CHTF18: variants seen among roughly 807,000 people sequenced by gnomAD.
CHTF18 encodes the protein chromosome transmission fidelity factor 18.
A neutral mutation model predicts 113.4 loss-of-function variants in CHTF18; 151 were observed. The observed-to-expected ratio is 1.33, with a 90% CI of 1.17 to 1.52. The LOEUF (loss-of-function observed/expected upper bound fraction) is 1.52, where lower values mean the gene tolerates loss of function less well. Ranked by LOEUF, CHTF18 falls within the 40% of genes most tolerant of loss-of-function variation. The pLI is 0.00. For missense variants in CHTF18, 1,982 were observed against 1,381.6 expected, an observed-to-expected ratio of 1.43 and a Z score of -6.89; for synonymous variants, 916 against 598.8, an observed-to-expected ratio of 1.53 and a Z score of -7.74.
rs566791987 is a variant in CHTF18 at position 791,610 on chromosome 16, C to T, written c.1104+240C>T. The T allele has an allele frequency of 8.0e-5, 115 of 1,430,002 alleles. No individual in the cohort carries two copies. In the African/African-American group the frequency reaches 1.5e-3, roughly 19 times the overall value. 88.6% of individuals were successfully genotyped at this position (1,430,002 alleles called of 1,614,324 possible). A position where few individuals can be genotyped will look rare whatever the true frequency, so the allele number is the denominator to read the frequency against. On this transcript the variant is annotated intron_variant, in intron 8 of 21. Transcript: ENST00000262315. ...GATCTGGGTGGACGGTGGGTGGTTT[C>T]TGGGGGCCAGTCACACTGGTATCAG...
rs764669653 is a variant in CHTF18, at chr16:795,927, T to G, written c.2326-20T>G. Reference sequence around the variant, plus strand: ...TGTACAGCCTGCTCAGCTCCCTGTCTGCTGCCTCCCATCCCCTAGGTGAGC... The same window carrying G: ...TGTACAGCCTGCTCAGCTCCCTGTCGGCTGCCTCCCATCCCCTAGGTGAGC... On this transcript the variant is annotated intron_variant, in intron 17 of 21. Transcript: ENST00000262315. 2.5e-6 allele frequency: 4 copies of G among 1,603,420 alleles called. No individual in the cohort carries two copies. The Admixed American group carries it at 6.7e-5, about 27-fold the overall frequency.
chr16:795,805 C>G lies in CHTF18; in HGVS notation c.2296C>G (p.Leu766Val). 1 of 1,610,184 alleles carries G rather than the reference C, an allele frequency of 6.2e-7. No individual in the cohort carries two copies. Among genetic ancestry groups the G allele is most frequent in the Middle Eastern group, 1.7e-4 (1 of 6,052 alleles). Residue 766 changes from leucine to valine, a missense_variant, in exon 17 of 22, where the codon CTG becomes GTG. Coordinates refer to ENST00000262315, the MANE Select transcript of CHTF18 (RefSeq NM_022092.3). Reference protein sequence around the residue: ...ALLLDALCLLLDILAPKLRPV... With the variant: ...ALLLDALCLLVDILAPKLRPV... ...GCTCCTCGATGCCCTCTGCCTGCTC[C>G]TGGACATTCTTGCACCCAAGCTCCG...
intron 4 of CHTF18, 192 bp downstream of exon 4, chr16:789,907 CTGTT>C: frequency 7.0e-7 from 1 of 1,437,434 alleles, no homozygotes; most frequent in South Asian, 1.3e-5. Flanking sequence ...GCTGTCCAGC[CTGTT>C]TGTATGGCCT....
Position 795,149 on chromosome 16 carries a change from C to A in CHTF18, c.1968C>A (p.Phe656Leu). ...EKVVQGLFDN[F>L]LRLRLRDSSL... Reference sequence around the variant, plus strand: ...GCCTGCAGGGCTTGTTTGACAACTTCCTGCGTCTGCGGCTGCGAGACTCCA... The same window carrying A: ...GCCTGCAGGGCTTGTTTGACAACTTACTGCGTCTGCGGCTGCGAGACTCCA... Residue 656 changes from phenylalanine (F) to leucine (L), a missense_variant, in exon 16 of 22, where the codon TTC becomes TTA. Coordinates refer to ENST00000262315, the MANE Select transcript of CHTF18 (RefSeq NM_022092.3). 1 of 1,550,768 alleles carries A rather than the reference C, an allele frequency of 6.4e-7. No homozygotes were observed. Among genetic ancestry groups the A allele is most frequent in the Non-Finnish European group, 8.7e-7 (1 of 1,147,414 alleles).
rs774472730 is a variant in CHTF18 at position 794,122 on chromosome 16, C to G, written c.1871C>G (p.Ser624Cys). 2 of 1,612,446 alleles carry G rather than the reference C, an allele frequency of 1.2e-6. No homozygotes were observed. Among genetic ancestry groups the G allele is most frequent in the East Asian group, 4.5e-5 (2 of 44,880 alleles). Residue 624 changes from serine to cysteine, a missense_variant, in exon 15 of 22, where the codon TCC (serine) becomes TGC (cysteine). Transcript: ENST00000262315. ...CTGCTGGGTGACGGGGACGCGGGCT[C>G]CCTCACCTCCGCCTCACAGCGATTC... is the stretch of plus-strand genomic sequence containing the variant. ...TLLLGDGDAGSLTSASQRFYR... is the reference protein window; with the variant it reads ...TLLLGDGDAGCLTSASQRFYR...
At chr16:797,234 C>T (rs993835499) in intron 20 of CHTF18, 142 bp downstream of exon 20, 9 of 983,326 alleles carry the variant, frequency 9.2e-6, no homozygotes, top group South Asian at 2.4e-5. Context: ...CCTCATGAGG[C>T]AGGGCCAGGG....
Position 791,933 on chromosome 16 carries a change from T to C in CHTF18, c.1187T>C (p.Val396Ala). The C allele has an allele frequency of 6.2e-7, 1 of 1,608,832 alleles. No individual in the cohort carries two copies. Among genetic ancestry groups the C allele is most frequent in the Non-Finnish European group, 8.5e-7 (1 of 1,178,292 alleles). ...GCGCGTCACGCGGGGTACTCTGTGG[T>C]GGAGATGAACGCCAGGTGAGTGATG... ...VIARHAGYSVVEMNASDDRSP... is the reference protein window; with the variant it reads ...VIARHAGYSVAEMNASDDRSP... Residue 396 changes from valine to alanine, a missense_variant, in exon 9 of 22, where the codon GTG (valine) becomes GCG (alanine). Coordinates refer to ENST00000262315, the MANE Select transcript of CHTF18 (RefSeq NM_022092.3).
intron 14 of CHTF18, 30 bp from the exon 15 acceptor site, chr16:794,024 G>T: frequency 6.3e-7 from 1 of 1,599,616 alleles, no homozygotes; most frequent in Non-Finnish European, 8.5e-7. Context: ...TTTAACACGG[G>T]TCCATCTAGC....
At chr16:791,075 G>T in intron 7 of CHTF18, 86 bp from the exon 8 acceptor site, 1 of 1,521,858 alleles carries the variant, frequency 6.6e-7, no homozygotes, top group Non-Finnish European at 8.8e-7. Context: ...CATCCCATGG[G>T]GCATGGGGCT....
At chr16:791,714 T>G (rs1013602122) in intron 8 of CHTF18, 137 bp from the exon 9 acceptor site, 7 of 1,440,948 alleles carry the variant, frequency 4.9e-6, no homozygotes, top group Non-Finnish European at 6.3e-6. Flanking sequence ...AGTGCTCAAT[T>G]TTGTTCTTAT....
At chr16:797,649 T>TGG in intron 20 of CHTF18, 45 bp from the exon 21 acceptor site, 2 of 1,596,060 alleles carry the variant, frequency 1.3e-6, no homozygotes, top group Non-Finnish European at 1.7e-6. Context: ...AGGGGCTGGA[T>TGG]GGGGCATCTG....
In CHTF18 at chr16:795,339, C is replaced by T. The variant is rs769490608; in HGVS notation, c.2158C>T (p.Pro720Ser). 43 of 1,547,762 alleles carry T rather than the reference C, an allele frequency of 2.8e-5. No individual in the cohort carries two copies. In the Admixed American group the frequency reaches 5.7e-4, roughly 20 times the overall value. ...CAGCCACACACCCAGGATCACCTTC[C>T]CCAGCAGCCAGCAGGAGGTGTGCTC... Reference protein sequence around the residue: ...ASSHTPRITFPSSQQEAQNRM... With the variant: ...ASSHTPRITFSSSQQEAQNRM... Residue 720 changes from proline to serine, a missense_variant, in exon 16 of 22, where the codon CCC becomes TCC. Transcript: ENST00000262315.
At position 792,332 on chromosome 16, in the gene CHTF18, C is replaced by T. The variant is rs1179029000; in HGVS notation, c.1311C>T (p.Ile437=). The change falls in exon 10 of 22, where the codon ATC becomes ATT. Residue 437 remains isoleucine, a synonymous_variant. Transcript: ENST00000262315. ...GKPNCLVIDE[I]DGAPVAAINV... is the part of the protein sequence containing the mutation. ...CCAACTGCCTGGTCATCGATGAGAT[C>T]GACGGGGCCCCCGTGGTGGGCTCCT... The T allele has an allele frequency of 2.8e-5, 44 of 1,553,182 alleles. No individual in the cohort carries two copies. The highest frequency in any genetic ancestry group is 3.5e-5 in the Non-Finnish European group (40 of 1,148,746).
Position 791,252 on chromosome 16 carries a change from T to G in CHTF18, c.986T>G (p.Val329Gly). 4 of 1,610,766 alleles carry G rather than the reference T, an allele frequency of 2.5e-6. No individual in the cohort carries two copies. Among genetic ancestry groups the G allele is most frequent in the Non-Finnish European group, 3.4e-6 (4 of 1,179,258 alleles). ...CCTTCCCGGAAGCCCAGGCCCAGTGTTGAGCCGGCCCGGGTCAGCAAGGAG... is the reference window on the plus strand; with the variant it reads ...CCTTCCCGGAAGCCCAGGCCCAGTGGTGAGCCGGCCCGGGTCAGCAAGGAG... ...ERPSRKPRPS[V>G]EPARVSKEAT... Residue 329 changes from valine (V) to glycine (G), a missense_variant, in exon 8 of 22, where the codon GTT becomes GGT. Transcript: ENST00000262315.
intron 1 of CHTF18, 33 bp downstream of exon 1, chr16:788,808 C>G: frequency 1.9e-6 from 3 of 1,571,278 alleles, no homozygotes; most frequent in East Asian, 2.4e-5. Flanking sequence ...TGGGGAGGAG[C>G]TGCGAAAGCC....
chr16:790,595 G>C lies in CHTF18; in HGVS notation c.823G>C (p.Asp275His), dbSNP rs778647892. Residue 275 changes from aspartate to histidine, a missense_variant, in exon 7 of 22, where the codon GAC becomes CAC. By Grantham distance (81) the Asp-to-His change is moderately conservative. Coordinates refer to ENST00000262315, the MANE Select transcript of CHTF18 (RefSeq NM_022092.3). Reference protein sequence around the residue: ...APEEEPTDGQDASSHCLWVDE... With the variant: ...APEEEPTDGQHASSHCLWVDE... ...TGAGGAGGAGCCGACTGACGGTCAAGACGCCTCCAGTCACTGCCTCTGGGT... is the reference window on the plus strand; with the variant it reads ...TGAGGAGGAGCCGACTGACGGTCAACACGCCTCCAGTCACTGCCTCTGGGT... 1 of 1,597,526 alleles carries C rather than the reference G, an allele frequency of 6.3e-7. No homozygotes were observed. Among genetic ancestry groups the C allele is most frequent in the East Asian group, 2.3e-5 (1 of 44,140 alleles).
At chr16:789,837 G>A (rs1396597816) in intron 4 of CHTF18, 122 bp downstream of exon 4, 5 of 1,350,586 alleles carry the variant, frequency 3.7e-6, no homozygotes, top group Non-Finnish European at 5.0e-6. Context: ...CAGGGGTGCA[G>A]AGGGGGAGGC....
chr16:790,448 C>A, intron 6 of CHTF18, 49 bp downstream of exon 6: 1 of 1,611,112 alleles, frequency 6.2e-7, no homozygotes, highest in Non-Finnish European at 8.5e-7. Flanking sequence ...GGCTCTTGCA[C>A]CAACTCCTAG....
chr16:790,536 GGGA>G lies in CHTF18; in HGVS notation c.773_775del (p.Glu258del), dbSNP rs752141707. 1.6e-5 allele frequency: 26 copies of G among 1,599,380 alleles called. No homozygotes were observed. In the Admixed American group the frequency reaches 4.3e-4, roughly 27 times the overall value. On this transcript the variant is annotated inframe_deletion, in exon 7 of 22. Transcript: ENST00000262315. ...GTGGTCCTCTCCAGTCTCAGGTCGG[GGGA>G]GGAGGAGGCAGCCCAGCCCTTGGGG...
Sources: gnomAD v4.1 joint callset for allele counts on GRCh38, gnomAD v4.1.1 for gene constraint, MANE v1.5 for transcripts, NCBI Gene and HGNC (gene_info 2026-07-23, HGNC 2026-07-21) for gene names.